Variants in NSG1 observed in about 807,000 individuals in gnomAD.
NSG1 encodes neuronal vesicle trafficking-associated protein 1.
Under a neutral mutation model 19.3 loss-of-function variants are expected in NSG1, and 9 were observed. The observed-to-expected ratio is 0.47, with a 90% CI of 0.28 to 0.81. NSG1 has a LOEUF of 0.81. Among genes scored for constraint, NSG1 ranks in the 40% least tolerant of loss-of-function variants. The pLI is 0.11. For synonymous variants in NSG1, 104 were observed against 107.0 expected (o/e 0.97, Z 0.17); for missense variants, 236 against 242.4 (o/e 0.97, Z 0.18).
Position 4,391,895 on chromosome 4 carries a change from AT to A in NSG1, c.246+306del, listed in dbSNP as rs1165002556. Among the ~76,000 whole-genome samples, 3 of 152,370 alleles carry A rather than the reference AT, an allele frequency of 2.0e-5. No homozygotes were observed. In the East Asian group the frequency reaches 5.8e-4, roughly 29 times the overall value. ...ACATATGAAAAATCACTTACCAAAC[AT>A]TACAATATTTACTTAACAGTTCCAG... On this transcript the variant is annotated intron_variant, in intron 3 of 4. Transcript: ENST00000621129.
chr4:4,396,905 G>A (rs1300310452), intron 3 of NSG1, among the ~76,000 whole-genome samples: 2 of 152,188 alleles, frequency 1.3e-5, no homozygotes, highest in Non-Finnish European at 2.9e-5. Flanking sequence ...GAAGGTGTGT[G>A]TGGACGCCCC....
intron 3 of NSG1, among the ~76,000 whole-genome samples, chr4:4,399,125 A>G (rs1265330621): frequency 6.6e-6 from 1 of 151,646 alleles, no homozygotes; most frequent in Non-Finnish European, 1.5e-5. Context: ...CTCATTTTTT[A>G]ATCAGTTTGT....
chr4:4,387,561 C>CGGGGGTGGGTGTG, intron 1 of NSG1, 43 bp from the exon 2 acceptor site: 3 of 1,141,990 alleles, frequency 2.6e-6, no homozygotes, highest in Non-Finnish European at 3.7e-6. Context: ...CGCCCCGCCC[C>CGGGGGTGGGTGTG]GGGTCTTGCT....
Position 4,387,572 on chromosome 4 carries a change from T to G in NSG1, c.-26-32T>G, listed in dbSNP as rs1344081668. Reference sequence around the variant, plus strand: ...CCCCCGCCCCGCCCCGGGTCTTGCTTGTGGTGACTCCCCCCGGCCCTCCCG... The same window carrying G: ...CCCCCGCCCCGCCCCGGGTCTTGCTGGTGGTGACTCCCCCCGGCCCTCCCG... On this transcript the variant is annotated intron_variant, in intron 1 of 4. Coordinates refer to ENST00000621129, the MANE Select transcript of NSG1 (RefSeq NM_014392.5). The G allele has an allele frequency of 5.1e-5, 34 of 661,980 alleles. No individual in the cohort carries two copies. The East Asian group carries it at 2.0e-3, about 39-fold the overall frequency. 41.0% of individuals were successfully genotyped at this position (661,980 alleles called of 1,614,324 possible).
At chr4:4,392,341 C>T (rs768949475) in intron 3 of NSG1, among the ~76,000 whole-genome samples, 30 of 152,066 alleles carry the variant, frequency 2.0e-4, no homozygotes, top group Non-Finnish European at 3.1e-4. Context: ...GAGAGTAAAG[C>T]GGTAGCCTCA....
intron 3 of NSG1, among the ~76,000 whole-genome samples, chr4:4,394,668 T>C (rs1450953265): frequency 6.6e-6 from 1 of 152,240 alleles, no homozygotes; most frequent in Non-Finnish European, 1.5e-5. Flanking sequence ...TCAGCCGCTC[T>C]ATGCCAGCCA....
At chr4:4,396,560 G>A (rs557794824) in intron 3 of NSG1, among the ~76,000 whole-genome samples, 4 of 152,334 alleles carry the variant, frequency 2.6e-5, no homozygotes, top group African/African-American at 9.6e-5. Flanking sequence ...GTTAGTCTGC[G>A]TGGTCCCCCT....
chr4:4,406,103 C>T (rs1723839238), intron 3 of NSG1, among the ~76,000 whole-genome samples: 1 of 152,322 alleles, frequency 6.6e-6, no homozygotes, highest in Non-Finnish European at 1.5e-5. Flanking sequence ...TCTTGGCTCA[C>T]TGCAACCTCC....
Position 4,405,972 on chromosome 4 carries a change from G to A in NSG1, c.247-3601G>A, listed in dbSNP as rs960543718. ...GTGGGGTACCAGGAGCCAAACTGAT[G>A]TGGCTTCCCAACTGGAGAAACAGGT... On this transcript the variant is annotated intron_variant, in intron 3 of 4. Coordinates refer to ENST00000621129, the MANE Select transcript of NSG1 (RefSeq NM_014392.5). Among the ~76,000 whole-genome samples, 7 of 152,178 alleles carry A rather than the reference G, an allele frequency of 4.6e-5. No individual in the cohort carries two copies. In the East Asian group the frequency reaches 1.4e-3, roughly 29 times the overall value.
intron 4 of NSG1, among the ~76,000 whole-genome samples, chr4:4,411,696 A>G (rs1366391748): frequency 6.6e-6 from 1 of 152,110 alleles, no homozygotes. Flanking sequence ...GTGAGCTGAG[A>G]TCATGCCACT....
rs368098188 is a variant in NSG1, at chr4:4,409,675, G to A, written c.349G>A (p.Val117Ile). The A allele has an allele frequency of 5.5e-5, 89 of 1,613,458 alleles. No individual in the cohort carries two copies. Among genetic ancestry groups the A allele is most frequent in the Non-Finnish European group, 6.7e-5 (79 of 1,179,532 alleles). Residue 117 changes from valine (V) to isoleucine (I), a missense_variant, in exon 4 of 5, where the codon GTC becomes ATC. Val to Ile is a conservative substitution (Grantham distance 29, BLOSUM62 3). Transcript: ENST00000621129. ...KYDRACPDGF[V>I]LKNTQCIPEG... ...TGACCGCGCCTGCCCCGATGGGTTC[G>A]TCCTCAAGGTAAAACTCCGTTTTCC...
chr4:4,403,737 C>T (rs1024753388), intron 3 of NSG1, among the ~76,000 whole-genome samples: 1 of 152,222 alleles, frequency 6.6e-6, no homozygotes, highest in South Asian at 2.1e-4. Context: ...TCAGTTTCCC[C>T]ATTTGTAAAA....
chr4:4,409,766 G>A lies in NSG1; in HGVS notation c.357+83G>A, dbSNP rs557669054. The A allele has an allele frequency of 9.9e-5, 111 of 1,121,364 alleles. 1 individual carries two copies. In the South Asian group the frequency reaches 1.1e-3, roughly 11 times the overall value. The allele number at this position is 1,121,364 out of a possible 1,614,324, so 69.5% of individuals were successfully genotyped here. On this transcript the variant is annotated intron_variant, in intron 4 of 4. Transcript: ENST00000621129. ...CCTTGAACTCAAGGCTGCTCCTGCC[G>A]TCTCCCCCAGCTGGCCCACGGACAG...
chr4:4,418,023 G>C lies in NSG1; in HGVS notation c.*588G>C, dbSNP rs1021982781. 1 of 157,794 alleles carries C rather than the reference G, an allele frequency of 6.3e-6. No homozygotes were observed. Among genetic ancestry groups the C allele is most frequent in the Non-Finnish European group, 1.4e-5 (1 of 71,836 alleles). The allele number at this position is 157,794 out of a possible 1,614,324, so 9.8% of individuals were successfully genotyped here. A position where few individuals can be genotyped will look rare whatever the true frequency, so the allele number is the denominator to read the frequency against. ...GACGGCCCTGCAATGTGGCAGGCTC[G>C]GTGTGGATTGACTACTCCCTCCCCT... is the stretch of plus-strand genomic sequence containing the variant. On this transcript the variant is annotated 3_prime_UTR_variant, in exon 5 of 5. Coordinates refer to ENST00000621129, the MANE Select transcript of NSG1 (RefSeq NM_014392.5).
At chr4:4,398,453 C>G (rs997175665) in intron 3 of NSG1, among the ~76,000 whole-genome samples, 2 of 152,118 alleles carry the variant, frequency 1.3e-5, no homozygotes, top group African/African-American at 2.4e-5. Flanking sequence ...ATGCCCCCCC[C>G]CACAGCCCCT....
At chr4:4,402,113 T>G (rs1211422474) in intron 3 of NSG1, among the ~76,000 whole-genome samples, 1 of 148,024 alleles carries the variant, frequency 6.8e-6, no homozygotes, top group Non-Finnish European at 1.5e-5. Context: ...GGTCTCGAAC[T>G]CCTGGGCTCA....
intron 3 of NSG1, among the ~76,000 whole-genome samples, chr4:4,395,488 C>T (rs1290609741): frequency 1.3e-5 from 2 of 152,110 alleles, no homozygotes; most frequent in African/African-American, 4.8e-5. Flanking sequence ...TCCCTGAACG[C>T]GTGCACACAA....
intron 2 of NSG1, 61 bp from the exon 3 acceptor site, chr4:4,391,414 C>G: frequency 8.8e-7 from 1 of 1,138,566 alleles, no homozygotes; most frequent in Non-Finnish European, 1.3e-6. Context: ...CCCAGACCCA[C>G]CCTCTTTGGG....
intron 3 of NSG1, among the ~76,000 whole-genome samples, chr4:4,404,342 G>A (rs1210545394): frequency 3.3e-5 from 5 of 152,318 alleles, no homozygotes; most frequent in East Asian, 3.9e-4. Flanking sequence ...CCAGCTCACC[G>A]TGCCCACTGT....
Sources: gnomAD v4.1 joint callset for allele counts (sites outside exome capture counted in the v4.1 genomes callset) on GRCh38, gnomAD v4.1.1 for gene constraint, MANE v1.5 for transcripts, NCBI Gene and HGNC (gene_info 2026-07-23, HGNC 2026-07-21) for gene names.